The following ZFAT variants were observed in gnomAD, a reference collection of about 807,000 sequenced individuals.
ZFAT encodes the protein zinc finger and AT-hook domain containing.
Under a neutral mutation model 117.7 loss-of-function variants are expected in ZFAT, and 64 were observed. The observed-to-expected ratio is 0.54, with a 90% CI of 0.44 to 0.67. ZFAT has a LOEUF of 0.67. Among genes scored for constraint, ZFAT ranks in the 30% least tolerant of loss-of-function variants. ZFAT has a pLI of 0.00. For synonymous variants in ZFAT, 679 were observed against 615.0 expected (o/e 1.10, Z -1.54); for missense variants, 1,433 against 1,584.5 (o/e 0.90, Z 1.62).
intron 7 of ZFAT, among the ~76,000 whole-genome samples, chr8:134,595,863 C>A (rs1826888753): frequency 6.6e-6 from 1 of 152,184 alleles, no homozygotes; most frequent in Admixed American, 6.5e-5. Flanking sequence ...TCCTACAGTC[C>A]TGATGCAACT....
At chr8:134,742,355 G>A in the ZFAT span, among the ~76,000 whole-genome samples, 1 of 152,156 alleles carries the variant, frequency 6.6e-6, no homozygotes, top group Non-Finnish European at 1.5e-5. Flanking sequence ...GGGTCAACCA[G>A]GTGAGAGCAG....
At chr8:134,643,249 T>A (rs1830689217) in intron 2 of ZFAT, among the ~76,000 whole-genome samples, 1 of 152,242 alleles carries the variant, frequency 6.6e-6, no homozygotes, top group African/African-American at 2.4e-5. Context: ...AGGAATTGAA[T>A]ACAGACCTGT....
intron 2 of ZFAT, among the ~76,000 whole-genome samples, chr8:134,638,843 G>A (rs1830417222): frequency 2.6e-5 from 4 of 152,106 alleles, no homozygotes; most frequent in African/African-American, 4.8e-5. Flanking sequence ...GTCCCTGAGC[G>A]AGACCAAGCA....
At chr8:134,828,308 A>G in the ZFAT span, among the ~76,000 whole-genome samples, 2 of 152,244 alleles carry the variant, frequency 1.3e-5, no homozygotes, top group Non-Finnish European at 2.9e-5. Flanking sequence ...GCTAAGAGGT[A>G]TGAAACCGTG....
intron 1 of ZFAT, among the ~76,000 whole-genome samples, chr8:134,672,288 C>T (rs1366402045): frequency 6.6e-6 from 1 of 152,206 alleles, no homozygotes; most frequent in African/African-American, 2.4e-5. Flanking sequence ...AAAGAGCCCA[C>T]ATTGCCAAGA....
chr8:134,633,340 G>A (rs888306456), intron 3 of ZFAT, among the ~76,000 whole-genome samples: 6 of 152,110 alleles, frequency 3.9e-5, no homozygotes, highest in South Asian at 4.1e-4. Context: ...AAAACAGCTC[G>A]TTAAATAACA....
chr8:134,828,432 ACTT>A, the ZFAT span, among the ~76,000 whole-genome samples: 3 of 152,216 alleles, frequency 2.0e-5, no homozygotes, highest in African/African-American at 7.2e-5. Context: ...GATATTTTTT[ACTT>A]CTTGTATGCC....
chr8:134,815,590 C>A, the ZFAT span, among the ~76,000 whole-genome samples: 2 of 152,164 alleles, frequency 1.3e-5, no homozygotes, highest in Non-Finnish European at 2.9e-5. Context: ...TTGTAAGACC[C>A]TACACTAGCT....
the ZFAT span, among the ~76,000 whole-genome samples, chr8:134,807,048 G>T: frequency 2.0e-5 from 3 of 152,030 alleles, no homozygotes; most frequent in African/African-American, 7.3e-5. Flanking sequence ...TTATAAAAAT[G>T]GGCAAAACAC....
chr8:134,733,811 A>C, the ZFAT span, among the ~76,000 whole-genome samples: 11 of 152,350 alleles, frequency 7.2e-5, no homozygotes, highest in Non-Finnish European at 1.6e-4. Flanking sequence ...TGTTTTGTGC[A>C]TGGAACATTC....
In ZFAT at chr8:134,657,601, C is replaced by T; in HGVS notation, c.156G>A (p.Leu52=). The change falls in exon 2 of 16, where the codon CTG becomes CTA. Residue 52 remains leucine (L), a synonymous_variant. Coordinates refer to ENST00000377838, the MANE Select transcript of ZFAT (RefSeq NM_020863.4). ...TTGAGTTGGGGGGTTCAGGTGTACT[C>T]AGAGGCCTAAGGGGAATAATAATCT... ...VDEIIIPLRP[L]STPEPPNSSK... is the part of the protein sequence containing the mutation. 1 of 1,613,978 alleles carries T rather than the reference C, an allele frequency of 6.2e-7. No homozygotes were observed. The highest frequency in any genetic ancestry group is 8.5e-7 in the Non-Finnish European group (1 of 1,180,000).
intron 3 of ZFAT, among the ~76,000 whole-genome samples, chr8:134,618,624 T>G (rs1828902780): frequency 6.6e-6 from 1 of 152,244 alleles, no homozygotes; most frequent in Admixed American, 6.5e-5. Context: ...ATACAAAGTT[T>G]AACAATTATC....
intron 1 of ZFAT, among the ~76,000 whole-genome samples, chr8:134,677,809 A>C (rs2131287814): frequency 6.6e-6 from 1 of 152,330 alleles, no homozygotes; most frequent in Non-Finnish European, 1.5e-5. Context: ...GTAAATAAAT[A>C]AACATCATCT....
intron 15 of ZFAT, among the ~76,000 whole-genome samples, chr8:134,486,611 G>C (rs1029692591): frequency 2.0e-5 from 3 of 152,154 alleles, no homozygotes; most frequent in African/African-American, 7.2e-5. Flanking sequence ...TGGCACTCCT[G>C]TTGTTCTCAG....
chr8:134,793,813 C>A, the ZFAT span: 3 of 152,104 alleles, frequency 2.0e-5, no homozygotes, highest in Non-Finnish European at 4.4e-5. Flanking sequence ...GACAGGTGGC[C>A]CCATTTTACA....
At chr8:134,683,495 G>A (rs1833166691) in intron 1 of ZFAT, among the ~76,000 whole-genome samples, 1 of 152,222 alleles carries the variant, frequency 6.6e-6, no homozygotes, top group African/African-American at 2.4e-5. Flanking sequence ...GAAGAGGTTT[G>A]TCAGAAAAGG....
chr8:134,520,039 T>C (rs1393280123), intron 13 of ZFAT, among the ~76,000 whole-genome samples: 2 of 152,174 alleles, frequency 1.3e-5, no homozygotes, highest in Non-Finnish European at 2.9e-5. Flanking sequence ...TTTTCATATG[T>C]TGTGGATTCT....
At chr8:134,635,172 TAG>T (rs1445492982) in intron 3 of ZFAT, among the ~76,000 whole-genome samples, 1 of 152,112 alleles carries the variant, frequency 6.6e-6, no homozygotes, top group African/African-American at 2.4e-5. Context: ...ACCCCTGTTT[TAG>T]AGAGTTGACC....
intron 11 of ZFAT, among the ~76,000 whole-genome samples, chr8:134,553,210 TG>T (rs1342303997): frequency 6.6e-6 from 1 of 152,120 alleles, no homozygotes; most frequent in Non-Finnish European, 1.5e-5. Context: ...GAGACATACC[TG>T]GTAAAAGCTT....
Sources: allele counts gnomAD v4.1 joint callset (sites outside exome capture counted in the v4.1 genomes callset), GRCh38; gene constraint gnomAD v4.1.1; transcripts MANE v1.5; gene names NCBI Gene and HGNC (gene_info 2026-07-23, HGNC 2026-07-21).